Variants in SAE1 observed in about 807,000 individuals in gnomAD.
SAE1 encodes SUMO-activating enzyme subunit 1.
In SAE1, 11 loss-of-function variants were observed where a neutral mutation model predicts 40.6. That is an observed-to-expected ratio of 0.27 (90% CI 0.17 to 0.45). SAE1 has a LOEUF of 0.45. Among genes scored for constraint, SAE1 ranks in the 20% least tolerant of loss-of-function variants. The pLI, the probability that SAE1 is intolerant of heterozygous loss-of-function variation, is 1.00. For synonymous variants in SAE1, 155 were observed against 154.3 expected (o/e 1.00, Z -0.03); for missense variants, 373 against 427.3 (o/e 0.87, Z 1.12).
intron 1 of SAE1, among the ~76,000 whole-genome samples, chr19:47,136,169 C>T (rs1398096229): frequency 2.0e-5 from 3 of 152,016 alleles, no homozygotes; most frequent in Admixed American, 6.6e-5. Context: ...GACCGAGCCT[C>T]GCTCTGTTGC....
chr19:47,201,360 C>CTTTT (rs57568797), intron 7 of SAE1, among the ~76,000 whole-genome samples: 3,069 of 66,132 alleles, frequency 0.046, 605 homozygotes, highest in Non-Finnish European at 0.055. Flanking sequence ...TATCTGGTTC[C>CTTTT]TTTTTTTTTT....
At chr19:47,131,677 G>A (rs902679073) in intron 1 of SAE1, among the ~76,000 whole-genome samples, 3 of 148,848 alleles carry the variant, frequency 2.0e-5, no homozygotes, top group Admixed American at 6.7e-5. Context: ...TTTGGGCATT[G>A]TGGAGTAGCT....
chr19:47,182,734 C>T (rs944497030), intron 6 of SAE1, among the ~76,000 whole-genome samples: 11 of 152,074 alleles, frequency 7.2e-5, no homozygotes, highest in Admixed American at 7.2e-4. Context: ...CAAGTCTATA[C>T]TACACAGTAC....
rs1011721718 is a variant in SAE1, at chr19:47,205,135, G to A, written c.948+1395G>A. 7.9e-5 allele frequency among the ~76,000 whole-genome samples: 12 copies of A among 152,242 alleles called. No individual in the cohort carries two copies. The South Asian group carries it at 1.7e-3, about 21-fold the overall frequency. ...GGCTGCCTTCGTGGACTCCGGTGAG[G>A]CTTTTTCCTTCTTTCTTATGGAGCA... On this transcript the variant is annotated intron_variant, in intron 8 of 8. Transcript: ENST00000270225.
chr19:47,145,390 G>T, intron 2 of SAE1, among the ~76,000 whole-genome samples: 1 of 151,970 alleles, frequency 6.6e-6, no homozygotes, highest in Non-Finnish European at 1.5e-5. Context: ...CAGGTGATCC[G>T]CTGGCCTCGG....
intron 5 of SAE1, among the ~76,000 whole-genome samples, chr19:47,165,764 T>A (rs375884120): frequency 6.6e-5 from 10 of 152,314 alleles, no homozygotes; most frequent in African/African-American, 1.9e-4. Flanking sequence ...TATGAGTTAG[T>A]TTGAACCAAA....
chr19:47,165,983 G>T (rs959628947), intron 5 of SAE1, among the ~76,000 whole-genome samples: 4 of 152,154 alleles, frequency 2.6e-5, no homozygotes, highest in Non-Finnish European at 5.9e-5. Flanking sequence ...GCCTGGTTGG[G>T]GTCCTGTGCC....
At chr19:47,137,524 T>C in intron 1 of SAE1, among the ~76,000 whole-genome samples, 1 of 152,320 alleles carries the variant, frequency 6.6e-6, no homozygotes, top group East Asian at 1.9e-4. Context: ...TTTCTCGCTC[T>C]GTTACCCAGG....
chr19:47,194,888 G>A (rs139606797), intron 6 of SAE1, among the ~76,000 whole-genome samples: 19 of 151,814 alleles, frequency 1.3e-4, no homozygotes, highest in African/African-American at 3.1e-4. Flanking sequence ...GACTACAGGC[G>A]TGCGCCACCA....
In SAE1 at chr19:47,133,937, A is replaced by G. The variant is rs1379750080; in HGVS notation, c.98+2909A>G. 2.7e-5 allele frequency among the ~76,000 whole-genome samples: 4 copies of G among 149,542 alleles called. No homozygotes were observed. In the Admixed American group the frequency reaches 2.7e-4, roughly 10 times the overall value. ...GAGTGCAGTGGCATGGTCTCGGCTCACTGCAACCTCTGCCTCCCAGGTTCA... is the reference window on the plus strand; with the variant it reads ...GAGTGCAGTGGCATGGTCTCGGCTCGCTGCAACCTCTGCCTCCCAGGTTCA... On this transcript the variant is annotated intron_variant, in intron 1 of 8. Coordinates refer to ENST00000270225, the MANE Select transcript of SAE1 (RefSeq NM_005500.3).
intron 4 of SAE1, among the ~76,000 whole-genome samples, chr19:47,153,587 C>T (rs1184719195): frequency 6.6e-6 from 1 of 152,144 alleles, no homozygotes; most frequent in Non-Finnish European, 1.5e-5. Context: ...GAAAGACAGG[C>T]TCTGTGAGAT....
intron 4 of SAE1, among the ~76,000 whole-genome samples, chr19:47,153,847 A>G: frequency 6.8e-6 from 1 of 147,682 alleles, no homozygotes; most frequent in East Asian, 2.0e-4. Flanking sequence ...GCTGGAGTGC[A>G]ATGGCACCAT....
chr19:47,180,918 T>G (rs1349729502), intron 6 of SAE1, among the ~76,000 whole-genome samples: 1 of 152,156 alleles, frequency 6.6e-6, no homozygotes, highest in Non-Finnish European at 1.5e-5. Flanking sequence ...AATCTAGGGA[T>G]GGACAGTTAG....
At chr19:47,209,014 G>A (rs1016292900) in intron 8 of SAE1, 145 bp from the exon 9 acceptor site, 8 of 647,928 alleles carry the variant, frequency 1.2e-5, no homozygotes, top group East Asian at 2.7e-5. Context: ...AATCAAAATT[G>A]TCTCCAGACA....
At chr19:47,192,687 C>T (rs2058586612) in intron 6 of SAE1, among the ~76,000 whole-genome samples, 1 of 151,920 alleles carries the variant, frequency 6.6e-6, no homozygotes, top group African/African-American at 2.4e-5. Flanking sequence ...ATTATAGGCA[C>T]CCACCACACT....
At chr19:47,148,053 C>T (rs145137251) in intron 2 of SAE1, among the ~76,000 whole-genome samples, 15 of 152,204 alleles carry the variant, frequency 9.9e-5, no homozygotes, top group African/African-American at 2.6e-4. Flanking sequence ...AGCCACCACG[C>T]GTGGCCCTCA....
At chr19:47,194,747 C>G (rs889276341) in intron 6 of SAE1, among the ~76,000 whole-genome samples, 7 of 124,888 alleles carry the variant, frequency 5.6e-5, no homozygotes, top group African/African-American at 1.8e-4. Context: ...GTTAATCAGT[C>G]TTTTTTTTTT....
chr19:47,182,377 T>C (rs1334941974), intron 6 of SAE1, among the ~76,000 whole-genome samples: 2 of 151,932 alleles, frequency 1.3e-5, no homozygotes, highest in African/African-American at 2.4e-5. Context: ...GTTCCGATAA[T>C]GGGGCAGCAG....
chr19:47,185,363 G>A (rs1056969165), intron 6 of SAE1, among the ~76,000 whole-genome samples: 2 of 151,532 alleles, frequency 1.3e-5, no homozygotes, highest in African/African-American at 4.9e-5. Context: ...GTTGGAGTGC[G>A]GTGGTGTGTC....
Sources: allele counts gnomAD v4.1 joint callset (sites outside exome capture counted in the v4.1 genomes callset), GRCh38; gene constraint gnomAD v4.1.1; transcripts MANE v1.5; gene names NCBI Gene and HGNC (gene_info 2026-07-23, HGNC 2026-07-21).